Variants in FHIT observed in about 807,000 individuals in gnomAD.
FHIT encodes the protein bis(5'-adenosyl)-triphosphatase.
Under a neutral mutation model 17.9 loss-of-function variants are expected in FHIT, and 19 were observed. That is an observed-to-expected ratio of 1.06 (90% CI 0.74 to 1.56). The LOEUF (loss-of-function observed/expected upper bound fraction) is 1.56, where lower values mean the gene tolerates loss of function less well. Ranked by LOEUF, FHIT falls within the 40% of genes most tolerant of loss-of-function variation. The pLI, the probability that FHIT is intolerant of heterozygous loss-of-function variation, is 0.00. For synonymous variants in FHIT, 81 were observed against 69.7 expected, an observed-to-expected ratio of 1.16 and a Z score of -0.81; for missense variants, 248 against 189.2, an observed-to-expected ratio of 1.31 and a Z score of -1.82.
intron 8 of FHIT, among the ~76,000 whole-genome samples, chr3:59,835,571 A>G (rs1159078952): frequency 6.6e-6 from 1 of 152,164 alleles, no homozygotes; most frequent in Non-Finnish European, 1.5e-5. Context: ...GAGTTTTCAC[A>G]CATGAAAGAC....
chr3:61,180,090 A>G (rs1306014025), intron 2 of FHIT, among the ~76,000 whole-genome samples: 1 of 152,180 alleles, frequency 6.6e-6, no homozygotes, highest in East Asian at 1.9e-4. Flanking sequence ...TTGACTTTAC[A>G]AACTATTGAG....
At chr3:60,848,573 T>C (rs1703017636) in intron 3 of FHIT, among the ~76,000 whole-genome samples, 1 of 152,128 alleles carries the variant, frequency 6.6e-6, no homozygotes, top group Non-Finnish European at 1.5e-5. Context: ...GTCAGACAGA[T>C]ATGGGTTCAA....
At chr3:60,023,311 C>A (rs1262699699) in intron 5 of FHIT, among the ~76,000 whole-genome samples, 2 of 152,162 alleles carry the variant, frequency 1.3e-5, no homozygotes, top group Non-Finnish European at 2.9e-5. Context: ...AAACCACATG[C>A]AACATAAATA....
chr3:60,389,584 T>C (rs1701144392), intron 5 of FHIT, among the ~76,000 whole-genome samples: 3 of 152,118 alleles, frequency 2.0e-5, no homozygotes, highest in South Asian at 4.1e-4. Context: ...ACTTGTCCAG[T>C]GCAAAGAAGT....
chr3:59,766,127 A>G (rs934398090), intron 8 of FHIT, among the ~76,000 whole-genome samples: 1 of 152,220 alleles, frequency 6.6e-6, no homozygotes, highest in Non-Finnish European at 1.5e-5. Context: ...TCATACTGTT[A>G]GATGTGGGAT....
chr3:60,893,584 G>T (rs1370215153), intron 3 of FHIT, among the ~76,000 whole-genome samples: 9 of 152,106 alleles, frequency 5.9e-5, no homozygotes, highest in Admixed American at 5.9e-4. Flanking sequence ...AGTTTCCTTT[G>T]TGTGACAAGA....
intron 5 of FHIT, among the ~76,000 whole-genome samples, chr3:60,450,616 A>T (rs2031674116): frequency 6.6e-6 from 1 of 152,180 alleles, no homozygotes; most frequent in South Asian, 2.1e-4. Flanking sequence ...GAGGAGCTGC[A>T]GGTCAGCTAC....
chr3:60,520,110 CTG>C (rs1559508538), intron 5 of FHIT, among the ~76,000 whole-genome samples: 1 of 152,136 alleles, frequency 6.6e-6, no homozygotes, highest in East Asian at 1.9e-4. Flanking sequence ...CATGTCCAGA[CTG>C]TGTTTGTGTG....
chr3:59,840,595 G>A (rs1451628474), intron 8 of FHIT, among the ~76,000 whole-genome samples: 2 of 152,088 alleles, frequency 1.3e-5, no homozygotes, highest in African/African-American at 4.8e-5. Flanking sequence ...GGACAATGCT[G>A]TATGTTTATT....
intron 5 of FHIT, among the ~76,000 whole-genome samples, chr3:60,016,226 T>C (rs901951729): frequency 1.3e-5 from 2 of 152,224 alleles, no homozygotes; most frequent in African/African-American, 4.8e-5. Context: ...CCAGTACATA[T>C]CATGTGTGAA....
chr3:60,390,731 G>GA (rs1215730402), intron 5 of FHIT, among the ~76,000 whole-genome samples: 11 of 148,746 alleles, frequency 7.4e-5, no homozygotes, highest in African/African-American at 2.2e-4. Flanking sequence ...ACTTTAAAAA[G>GA]AAAAAAAACA....
intron 3 of FHIT, among the ~76,000 whole-genome samples, chr3:60,871,746 A>T (rs1391354225): frequency 6.6e-6 from 1 of 151,962 alleles, no homozygotes; most frequent in Non-Finnish European, 1.5e-5. Flanking sequence ...TGATCCTCCC[A>T]CCTCAGCCTC....
chr3:59,998,368 C>A (rs930376872), intron 7 of FHIT, among the ~76,000 whole-genome samples: 11 of 152,084 alleles, frequency 7.2e-5, no homozygotes, highest in African/African-American at 2.7e-4. Flanking sequence ...AATCTATGAA[C>A]ATGCCAATAC....
chr3:60,678,952 T>C (rs1209152104), intron 4 of FHIT, among the ~76,000 whole-genome samples: 4 of 127,574 alleles, frequency 3.1e-5, no homozygotes, highest in African/African-American at 1.1e-4. Flanking sequence ...GTAACTGTTT[T>C]GAGTCCTTAA....
intron 5 of FHIT, among the ~76,000 whole-genome samples, chr3:60,343,994 T>G (rs764328928): frequency 6.6e-6 from 1 of 152,198 alleles, no homozygotes; most frequent in Non-Finnish European, 1.5e-5. Context: ...CATTTTGCAC[T>G]TTGCTTTCAA....
intron 4 of FHIT, among the ~76,000 whole-genome samples, chr3:60,704,510 C>T (rs991146555): frequency 2.2e-4 from 33 of 152,288 alleles, no homozygotes; most frequent in African/African-American, 7.2e-4. Flanking sequence ...AACATATTTG[C>T]TCTAAAATCA....
intron 8 of FHIT, among the ~76,000 whole-genome samples, chr3:59,847,542 A>G (rs1327349577): frequency 6.6e-6 from 1 of 152,048 alleles, no homozygotes; most frequent in African/African-American, 2.4e-5. Flanking sequence ...TAGGTAGTTT[A>G]AGTATCTGGC....
chr3:60,102,383 G>C (rs923561827), intron 5 of FHIT, among the ~76,000 whole-genome samples: 2 of 152,162 alleles, frequency 1.3e-5, no homozygotes, highest in African/African-American at 4.8e-5. Flanking sequence ...GTTCAGGTGA[G>C]ACATGGAAGC....
chr3:61,015,361 G>T (rs2032051487), intron 3 of FHIT, among the ~76,000 whole-genome samples: 1 of 152,118 alleles, frequency 6.6e-6, no homozygotes, highest in Admixed American at 6.5e-5. Context: ...ACAGTGAGGG[G>T]CTGAGGGAGA....
Sources: allele counts gnomAD v4.1 joint callset (sites outside exome capture counted in the v4.1 genomes callset), GRCh38; gene constraint gnomAD v4.1.1; transcripts MANE v1.5; gene names NCBI Gene and HGNC (gene_info 2026-07-23, HGNC 2026-07-21).